Variants in GTF2IRD1 observed in about 807,000 individuals in gnomAD.
GTF2IRD1 encodes the protein general transcription factor II-I repeat domain-containing protein 1.
GTF2IRD1 carries 26 observed loss-of-function variants against 113.2 expected under a neutral mutation model. The observed-to-expected ratio is 0.23, with a 90% CI of 0.17 to 0.32. GTF2IRD1 has a LOEUF of 0.32. Ranked by LOEUF, GTF2IRD1 falls within the 10% of genes least tolerant of loss-of-function variation. GTF2IRD1 has a pLI of 1.00. For synonymous variants in GTF2IRD1, 484 were observed against 529.1 expected, an observed-to-expected ratio of 0.91 and a Z score of 1.17; for missense variants, 864 against 1,280.8, an observed-to-expected ratio of 0.67 and a Z score of 4.97.
At chr7:74,496,266 A>G (rs1300808219) in intron 1 of GTF2IRD1, among the ~76,000 whole-genome samples, 1 of 124,908 alleles carries the variant, frequency 8.0e-6, no homozygotes, top group Non-Finnish European at 1.7e-5. Context: ...GTGTGTATGC[A>G]TGTGAGTGGG....
intron 22 of GTF2IRD1, among the ~76,000 whole-genome samples, chr7:74,577,160 C>T (rs1304898859): frequency 2.0e-5 from 3 of 152,170 alleles, no homozygotes; most frequent in Admixed American, 2.0e-4. Context: ...GCCTCAGCCT[C>T]CTGAGTAGCT....
At chr7:74,546,149 TAATAAG>T (rs1347517646) in intron 16 of GTF2IRD1, among the ~76,000 whole-genome samples, 1 of 150,870 alleles carries the variant, frequency 6.6e-6, no homozygotes, top group Admixed American at 6.6e-5. Flanking sequence ...AGAAGACTCA[TAATAAG>T]AATAAGATAA....
At chr7:74,518,653 G>A (rs2130250445) in intron 5 of GTF2IRD1, among the ~76,000 whole-genome samples, 1 of 152,290 alleles carries the variant, frequency 6.6e-6, no homozygotes, top group East Asian at 1.9e-4. Flanking sequence ...GCTGAGGTGG[G>A]AGGATCACTT....
rs371558739 is a variant in GTF2IRD1, at chr7:74,508,171, A to G, written c.91A>G (p.Ile31Val). 2.0e-5 allele frequency: 33 copies of G among 1,612,794 alleles called. No homozygotes were observed. Among genetic ancestry groups the G allele is most frequent in the Non-Finnish European group, 2.6e-5 (31 of 1,179,910 alleles). ...NSAFTRKDEIITSLVSALDSM... is the reference protein window; with the variant it reads ...NSAFTRKDEIVTSLVSALDSM... ...CGCGTTCACCCGCAAAGACGAGATC[A>G]TCACCAGCCTCGTGTCTGCCTTAGA... The change falls in exon 2 of 27, where the codon ATC becomes GTC. Residue 31 changes from isoleucine (I) to valine (V), a missense_variant. Transcript: ENST00000424337.
intron 1 of GTF2IRD1, among the ~76,000 whole-genome samples, chr7:74,460,244 C>T (rs1375886540): frequency 6.6e-6 from 1 of 151,464 alleles, no homozygotes; most frequent in Non-Finnish European, 1.5e-5. Context: ...CCACTGTACC[C>T]AGCCAGCAGG....
intron 17 of GTF2IRD1, among the ~76,000 whole-genome samples, chr7:74,548,253 T>G (rs1164240504): frequency 6.8e-5 from 10 of 147,738 alleles, no homozygotes; most frequent in Non-Finnish European, 1.3e-4. Context: ...CCGTCTCTAC[T>G]AAAAAAAAAA....
chr7:74,545,474 A>C (rs1554353005), intron 15 of GTF2IRD1, among the ~76,000 whole-genome samples: 2 of 152,110 alleles, frequency 1.3e-5, no homozygotes, highest in African/African-American at 4.8e-5. Flanking sequence ...AGAAAGACCC[A>C]TGGTCACTCC....
chr7:74,533,662 G>A (rs1322194128), intron 9 of GTF2IRD1, among the ~76,000 whole-genome samples: 1 of 152,130 alleles, frequency 6.6e-6, no homozygotes, highest in Non-Finnish European at 1.5e-5. Flanking sequence ...CTCCTGCAAA[G>A]TCTCTCCTGC....
chr7:74,497,097 G>A (rs1795778910), intron 1 of GTF2IRD1, among the ~76,000 whole-genome samples: 1 of 152,128 alleles, frequency 6.6e-6, no homozygotes, highest in African/African-American at 2.4e-5. Context: ...AGGAATTTGA[G>A]GCTGCAGTGA....
chr7:74,492,168 T>C (rs1236526743), intron 1 of GTF2IRD1, among the ~76,000 whole-genome samples: 4 of 150,668 alleles, frequency 2.7e-5, no homozygotes, highest in Non-Finnish European at 5.9e-5. Context: ...CATTCCCGGC[T>C]AATTTTTTTT....
chr7:74,495,989 T>G (rs1471733513), intron 1 of GTF2IRD1, among the ~76,000 whole-genome samples: 1 of 152,172 alleles, frequency 6.6e-6, no homozygotes, highest in Non-Finnish European at 1.5e-5. Flanking sequence ...CAGACTGTGC[T>G]GGGACTGGCC....
At chr7:74,541,672 G>A (rs377205570) in intron 14 of GTF2IRD1, among the ~76,000 whole-genome samples, 3 of 151,742 alleles carry the variant, frequency 2.0e-5, no homozygotes, top group East Asian at 2.0e-4. Context: ...AGGCTGAGGC[G>A]GGCAGATCAC....
intron 22 of GTF2IRD1, among the ~76,000 whole-genome samples, chr7:74,587,464 A>C (rs1466434568): frequency 6.6e-6 from 1 of 151,636 alleles, no homozygotes; most frequent in African/African-American, 2.4e-5. Flanking sequence ...AAAGAAAAAA[A>C]AACAGGAGTC....
At chr7:74,507,742 G>A (rs1304643435) in intron 1 of GTF2IRD1, 5 of 252,258 alleles carry the variant, frequency 2.0e-5, no homozygotes, top group Non-Finnish European at 3.9e-5. Flanking sequence ...TGGAGGGTGT[G>A]TGAGCGAGGG....
intron 22 of GTF2IRD1, among the ~76,000 whole-genome samples, chr7:74,578,328 G>A (rs1554365111): frequency 6.6e-6 from 1 of 152,024 alleles, no homozygotes; most frequent in African/African-American, 2.4e-5. Context: ...TGGGACTATA[G>A]GTGCCCGCCA....
intron 14 of GTF2IRD1, 70 bp from the exon 15 acceptor site, chr7:74,544,685 C>T: frequency 6.7e-7 from 1 of 1,489,086 alleles, no homozygotes; most frequent in Non-Finnish European, 9.3e-7. Context: ...AGCTATCTGG[C>T]CTGACGTCGG....
At chr7:74,586,339 CAGG>C (rs1801717280) in intron 22 of GTF2IRD1, among the ~76,000 whole-genome samples, 1 of 152,120 alleles carries the variant, frequency 6.6e-6, no homozygotes, top group South Asian at 2.1e-4. Context: ...TGTTGGGTCA[CAGG>C]AGAAGACGAG....
chr7:74,549,964 G>A (rs1313718224), intron 17 of GTF2IRD1, among the ~76,000 whole-genome samples: 2 of 151,936 alleles, frequency 1.3e-5, no homozygotes, highest in Non-Finnish European at 2.9e-5. Context: ...TTGAACCCAG[G>A]AGGCAGAAGT....
chr7:74,589,837 T>C lies in GTF2IRD1; in HGVS notation c.2321-14T>C. The C allele has an allele frequency of 6.3e-7, 1 of 1,586,110 alleles. No individual in the cohort carries two copies. Among genetic ancestry groups the C allele is most frequent in the Non-Finnish European group, 8.7e-7 (1 of 1,154,622 alleles). ...TGGTGCCAACTCTCATGCCCCCTTG[T>C]CTTCCTCTTGTAGATGAAGATGACG... On this transcript the variant is annotated splice_polypyrimidine_tract_variant and intron_variant, in intron 22 of 26. Transcript: ENST00000424337.
Sources: gnomAD v4.1 joint callset for allele counts (sites outside exome capture counted in the v4.1 genomes callset) on GRCh38, gnomAD v4.1.1 for gene constraint, MANE v1.5 for transcripts, NCBI Gene and HGNC (gene_info 2026-07-23, HGNC 2026-07-21) for gene names.